The following PDCD4 variants were observed in gnomAD, a reference collection of about 807,000 sequenced individuals.
The protein encoded by PDCD4 is programmed cell death 4.
PDCD4 carries 56 observed loss-of-function variants against 54.0 expected under a neutral mutation model. The ratio of observed to expected loss-of-function variants is 1.04; its 90% CI spans 0.84 to 1.30. The LOEUF is 1.30. PDCD4 is among the 50% of genes most tolerant of loss of function. PDCD4 has a pLI of 0.00. For synonymous variants in PDCD4, 186 were observed against 194.8 expected (o/e 0.95, Z 0.37); for missense variants, 584 against 559.8 (o/e 1.04, Z -0.44).
At chr10:110,874,813 G>C (rs1391537490) in intron 1 of PDCD4, among the ~76,000 whole-genome samples, 2 of 152,094 alleles carry the variant, frequency 1.3e-5, no homozygotes, top group African/African-American at 4.8e-5. Flanking sequence ...TTAAAAGTCA[G>C]TTTCACCTTT....
chr10:110,889,326 C>G (rs895939369), intron 6 of PDCD4, among the ~76,000 whole-genome samples: 1 of 151,374 alleles, frequency 6.6e-6, no homozygotes, highest in African/African-American at 2.4e-5. Flanking sequence ...GGCCCCCACT[C>G]TGGCACTTAA....
Position 110,887,679 on chromosome 10 carries a change from T to G in PDCD4, c.570T>G (p.Asp190Glu). Residue 190 changes from aspartate to glutamate, a missense_variant, in exon 6 of 12, where the codon GAT (aspartate) becomes GAG (glutamate). Asp to Glu is a conservative substitution (Grantham distance 45). Coordinates refer to ENST00000280154, the MANE Select transcript of PDCD4 (RefSeq NM_014456.5). ...DTNEVAEMLRDLNLGEMKSGV... is the reference protein window; with the variant it reads ...DTNEVAEMLRELNLGEMKSGV... ...TTTTTGAACAGGAAATGTTAAGAGA[T>G]TTAAATCTTGGTGAAATGAAAAGTG... 6.2e-7 allele frequency: 1 copy of G among 1,610,328 alleles called. No homozygotes were observed. Among genetic ancestry groups the G allele is most frequent in the South Asian group, 1.1e-5 (1 of 90,888 alleles).
chr10:110,881,816 C>A (rs572913076), intron 3 of PDCD4, among the ~76,000 whole-genome samples: 1 of 152,048 alleles, frequency 6.6e-6, no homozygotes, highest in African/African-American at 2.4e-5. Context: ...TTCACTGTTA[C>A]GAGTTTTACG....
chr10:110,894,455 A>G lies in PDCD4; in HGVS notation c.1142A>G (p.Lys381Arg), dbSNP rs1459927671. Residue 381 changes from lysine (K) to arginine (R), a missense_variant, in exon 10 of 12, where the codon AAG becomes AGG. By Grantham distance (26) the Lys-to-Arg change is conservative. Coordinates refer to ENST00000280154, the MANE Select transcript of PDCD4 (RefSeq NM_014456.5). ...VLESTGESTF[K>R]MILDLLKSLW... ...GAGTCAACTGGAGAAAGTACATTTA[A>G]GATGATTTTGGATTTATTAAAGTCC... 2 of 1,577,114 alleles carry G rather than the reference A, an allele frequency of 1.3e-6. No individual in the cohort carries two copies. Among genetic ancestry groups the G allele is most frequent in the Admixed American group, 3.3e-5 (2 of 59,850 alleles).
chr10:110,895,146 G>T (rs1845812407), intron 10 of PDCD4, among the ~76,000 whole-genome samples: 1 of 152,016 alleles, frequency 6.6e-6, no homozygotes. Context: ...GTGATGCTGA[G>T]GTTTGGGCTT....
At chr10:110,876,652 A>G (rs910957591) in intron 2 of PDCD4, 14 of 816,182 alleles carry the variant, frequency 1.7e-5, no homozygotes, top group Admixed American at 4.0e-5. Context: ...AATAATTTTT[A>G]TATTCTAAAT....
At position 110,876,165 on chromosome 10, in the gene PDCD4, C is replaced by T. The variant is rs899157605; in HGVS notation, c.43+95C>T. The T allele has an allele frequency of 3.1e-6, 3 of 953,666 alleles. No individual in the cohort carries two copies. The African/African-American group carries it at 5.2e-5, about 17-fold the overall frequency. 59.1% of individuals were successfully genotyped at this position (953,666 alleles called of 1,614,324 possible). A position where few individuals can be genotyped will look rare whatever the true frequency, so the allele number is the denominator to read the frequency against. On this transcript the variant is annotated intron_variant, in intron 2 of 11. Transcript: ENST00000280154. ...GGAGTGCAGTGGTGTGATCATGGCT[C>T]ACTGCAGTTTTGACTTTCCTGGGCT...
chr10:110,881,021 G>A (rs1434670537), intron 2 of PDCD4, among the ~76,000 whole-genome samples: 5 of 152,130 alleles, frequency 3.3e-5, no homozygotes, highest in Non-Finnish European at 7.4e-5. Context: ...TTAAAATTCA[G>A]TGCCTTGGTT....
chr10:110,891,914 A>G (rs1845764067), intron 8 of PDCD4, among the ~76,000 whole-genome samples: 1 of 152,218 alleles, frequency 6.6e-6, no homozygotes, highest in East Asian at 1.9e-4. Context: ...AGATAAAACT[A>G]GTTGTATTCC....
At chr10:110,892,068 C>A (rs370026265) in intron 8 of PDCD4, among the ~76,000 whole-genome samples, 2 of 152,086 alleles carry the variant, frequency 1.3e-5, no homozygotes, top group South Asian at 4.1e-4. Context: ...ATTCTCTATA[C>A]AGTAGAAATG....
At chr10:110,888,408 T>G (rs903720599) in intron 6 of PDCD4, among the ~76,000 whole-genome samples, 4 of 152,174 alleles carry the variant, frequency 2.6e-5, no homozygotes, top group Non-Finnish European at 5.9e-5. Flanking sequence ...TCTGTTAAAC[T>G]TAATGACAGA....
intron 1 of PDCD4, 23 bp from the exon 2 acceptor site, chr10:110,875,943 C>CT (rs1273588050): frequency 7.3e-5 from 78 of 1,069,950 alleles, no homozygotes; most frequent in Non-Finnish European, 9.4e-5. Context: ...TTGAAGCTTT[C>CT]TTTTTTTCTT....
intron 10 of PDCD4, 29 bp downstream of exon 10, chr10:110,894,551 T>G (rs761054815): frequency 1.4e-5 from 13 of 917,648 alleles, no homozygotes; most frequent in Middle Eastern, 2.3e-4. Context: ...TTGAACAACT[T>G]GTAGGATTAT....
intron 10 of PDCD4, among the ~76,000 whole-genome samples, chr10:110,895,516 T>C (rs1292371142): frequency 6.6e-6 from 1 of 152,204 alleles, no homozygotes; most frequent in Non-Finnish European, 1.5e-5. Flanking sequence ...GTCTTTGCTG[T>C]TGTGAATAGT....
At chr10:110,890,846 A>G (rs1845744282) in intron 8 of PDCD4, 176 bp downstream of exon 8, 7 of 395,482 alleles carry the variant, frequency 1.8e-5, no homozygotes, top group Admixed American at 1.3e-4. Context: ...TATAAATTAT[A>G]TGATTAAAAA....
At chr10:110,876,770 A>G (rs1237283360) in intron 2 of PDCD4, 1 of 922,942 alleles carries the variant, frequency 1.1e-6, no homozygotes, top group Non-Finnish European at 1.6e-6. Context: ...AACTCAAGAT[A>G]ATTTAAAATG....
chr10:110,883,018 A>G lies in PDCD4; in HGVS notation c.362A>G (p.Lys121Arg), dbSNP rs1354099961. 5 of 1,599,114 alleles carry G rather than the reference A, an allele frequency of 3.1e-6. No homozygotes were observed. Among genetic ancestry groups the G allele is most frequent in the East Asian group, 4.6e-5 (2 of 43,484 alleles). Reference protein sequence around the residue: ...GLPKKGGAGGKGVWGTPGQVY... With the variant: ...GLPKKGGAGGRGVWGTPGQVY... ...ACTTTTTCAGGTGGTGCAGGAGGCA[A>G]AGGTGTCTGGGGTACACCTGGACAG... Residue 121 changes from lysine (K) to arginine (R), a missense_variant, in exon 4 of 12, where the codon AAA (lysine) becomes AGA (arginine). Lys to Arg is a conservative substitution (Grantham distance 26, BLOSUM62 2). Coordinates refer to ENST00000280154, the MANE Select transcript of PDCD4 (RefSeq NM_014456.5).
At position 110,883,015 on chromosome 10, in the gene PDCD4, G is replaced by A; in HGVS notation, c.359G>A (p.Gly120Asp). The A allele has an allele frequency of 1.3e-6, 2 of 1,598,300 alleles. No individual in the cohort carries two copies. Among genetic ancestry groups the A allele is most frequent in the East Asian group, 2.3e-5 (1 of 43,464 alleles). ...TAAACTTTTTCAGGTGGTGCAGGAG[G>A]CAAAGGTGTCTGGGGTACACCTGGA... ...RGLPKKGGAGGKGVWGTPGQV... is the reference protein window; with the variant it reads ...RGLPKKGGAGDKGVWGTPGQV... Residue 120 changes from glycine (G) to aspartate (D), a missense_variant, in exon 4 of 12, where the codon GGC becomes GAC. Gly to Asp is a moderately conservative substitution (Grantham distance 94, BLOSUM62 -1). Transcript: ENST00000280154.
chr10:110,890,946 T>G, intron 8 of PDCD4: 3 of 238,634 alleles, frequency 1.3e-5, no homozygotes, highest in Non-Finnish European at 2.4e-5. Context: ...TCTTATAGTA[T>G]TATTTAATAA....
Sources: allele counts gnomAD v4.1 joint callset (sites outside exome capture counted in the v4.1 genomes callset), GRCh38; gene constraint gnomAD v4.1.1; transcripts MANE v1.5; gene names NCBI Gene and HGNC (gene_info 2026-07-23, HGNC 2026-07-21).